The following TMEM132C variants were observed in gnomAD, a reference collection of about 807,000 sequenced individuals.
TMEM132C encodes the protein protein phosphatase 1, regulatory subunit 152.
TMEM132C carries 29 observed loss-of-function variants against 61.4 expected under a neutral mutation model. The ratio of observed to expected loss-of-function variants is 0.47; its 90% CI spans 0.35 to 0.64. The LOEUF (loss-of-function observed/expected upper bound fraction) is 0.64, where lower values mean the gene tolerates loss of function less well. Among genes scored for constraint, TMEM132C ranks in the 30% least tolerant of loss-of-function variants. TMEM132C has a pLI of 0.00. For synonymous variants in TMEM132C, 656 were observed against 633.1 expected, an observed-to-expected ratio of 1.04 and a Z score of -0.54; for missense variants, 1,408 against 1,476.9, an observed-to-expected ratio of 0.95 and a Z score of 0.76.
At chr12:128,285,473 A>G (rs1161664697) in intron 1 of TMEM132C, among the ~76,000 whole-genome samples, 1 of 152,210 alleles carries the variant, frequency 6.6e-6, no homozygotes, top group African/African-American at 2.4e-5. Flanking sequence ...TTGCCAGGGA[A>G]GAACATTAGA....
intron 1 of TMEM132C, among the ~76,000 whole-genome samples, chr12:128,359,387 C>T (rs572218945): frequency 3.9e-5 from 6 of 152,110 alleles, no homozygotes; most frequent in African/African-American, 7.2e-5. Context: ...TTATTCACTA[C>T]CATGAGACCA....
intron 1 of TMEM132C, among the ~76,000 whole-genome samples, chr12:128,373,056 G>A (rs1241353462): frequency 6.6e-6 from 1 of 152,176 alleles, no homozygotes; most frequent in Non-Finnish European, 1.5e-5. Flanking sequence ...ACAAGTAATG[G>A]TGTGTCATGC....
chr12:128,485,084 T>A (rs1871441357), intron 2 of TMEM132C, among the ~76,000 whole-genome samples: 1 of 152,162 alleles, frequency 6.6e-6, no homozygotes, highest in African/African-American at 2.4e-5. Flanking sequence ...AATAAAAATG[T>A]CTTCAAAAAG....
At chr12:128,378,272 G>T (rs1394131299) in intron 1 of TMEM132C, among the ~76,000 whole-genome samples, 2 of 152,006 alleles carry the variant, frequency 1.3e-5, no homozygotes, top group South Asian at 2.1e-4. Flanking sequence ...CTGCCACCAT[G>T]CCCGGCTAAT....
chr12:128,539,562 G>T (rs1165210838), intron 2 of TMEM132C, among the ~76,000 whole-genome samples: 1 of 152,182 alleles, frequency 6.6e-6, no homozygotes, highest in Non-Finnish European at 1.5e-5. Flanking sequence ...AGGTTGCAGT[G>T]AGCCGAGATG....
At chr12:128,613,902 T>C (rs1876715408) in intron 3 of TMEM132C, among the ~76,000 whole-genome samples, 1 of 152,234 alleles carries the variant, frequency 6.6e-6, no homozygotes, top group African/African-American at 2.4e-5. Flanking sequence ...TTTTTAAGCA[T>C]ATTTGGTGTT....
At chr12:128,475,985 C>T (rs1593067117) in intron 2 of TMEM132C, among the ~76,000 whole-genome samples, 1 of 152,176 alleles carries the variant, frequency 6.6e-6, no homozygotes, top group South Asian at 2.1e-4. Context: ...AAATGTCTGC[C>T]CTACCAGTGA....
chr12:128,387,414 G>C (rs1177011769), intron 1 of TMEM132C, among the ~76,000 whole-genome samples: 1 of 152,200 alleles, frequency 6.6e-6, no homozygotes, highest in Non-Finnish European at 1.5e-5. Flanking sequence ...GGAGGGAACC[G>C]CACACCCAGT....
Position 128,267,194 on chromosome 12 carries a change from G to A in TMEM132C, c.-209G>A, listed in dbSNP as rs1300257685. Among the ~76,000 whole-genome samples the A allele has an allele frequency of 6.8e-6, 1 of 147,020 alleles. No homozygotes were observed. Among genetic ancestry groups the A allele is most frequent in the Non-Finnish European group, 1.5e-5 (1 of 66,046 alleles). On this transcript the variant is annotated 5_prime_UTR_variant, in exon 1 of 9. Coordinates refer to ENST00000435159, the MANE Select transcript of TMEM132C (RefSeq NM_001136103.3). ...AGAAAAGTTGTCCCGGCCGGAGCGCGAGCAGCGGCGGAGCCGGAGCCGCCA... is the reference window on the plus strand; with the variant it reads ...AGAAAAGTTGTCCCGGCCGGAGCGCAAGCAGCGGCGGAGCCGGAGCCGCCA...
chr12:128,527,707 A>ATGTGTGTG (rs5801799), intron 2 of TMEM132C, among the ~76,000 whole-genome samples: 4,543 of 147,156 alleles, frequency 0.031, 212 homozygotes, highest in African/African-American at 0.11. Flanking sequence ...ATGTGCATGT[A>ATGTGTGTG]TGTGTGTGTG....
At position 128,706,095 on chromosome 12, in the gene TMEM132C, C is replaced by T. The variant is rs555589534; in HGVS notation, c.3127C>T (p.Pro1043Ser). The T allele has an allele frequency of 1.2e-5, 18 of 1,551,550 alleles. No homozygotes were observed. In the African/African-American group the frequency reaches 2.3e-4, roughly 20 times the overall value. ...GRQGREQKQD[P>S]LHSPTSKRKK... ...GCAGGGCAGAGAACAGAAGCAGGAC[C>T]CCCTGCACTCGCCCACCTCCAAGAG... Residue 1043 changes from proline (P) to serine (S), a missense_variant, in exon 9 of 9, where the codon CCC becomes TCC. Pro to Ser is a moderately conservative substitution (Grantham distance 74). Transcript: ENST00000435159.
At chr12:128,298,297 G>A (rs533251077) in intron 1 of TMEM132C, among the ~76,000 whole-genome samples, 2 of 152,318 alleles carry the variant, frequency 1.3e-5, no homozygotes, top group South Asian at 2.1e-4. Flanking sequence ...CTCCTCCCCC[G>A]GGCCATGTGC....
chr12:128,676,655 A>G (rs1412661986), intron 5 of TMEM132C, among the ~76,000 whole-genome samples: 1 of 152,208 alleles, frequency 6.6e-6, no homozygotes, highest in Non-Finnish European at 1.5e-5. Context: ...CTTATTGGCA[A>G]ATCTACATAC....
chr12:128,430,287 T>C (rs984828181), intron 2 of TMEM132C, among the ~76,000 whole-genome samples: 1 of 152,156 alleles, frequency 6.6e-6, no homozygotes, highest in Admixed American at 6.5e-5. Flanking sequence ...TGGCATTGGA[T>C]ACCATAGCAC....
chr12:128,425,504 T>C (rs1405397561), intron 2 of TMEM132C, among the ~76,000 whole-genome samples: 1 of 152,224 alleles, frequency 6.6e-6, no homozygotes, highest in Non-Finnish European at 1.5e-5. Flanking sequence ...TGACTGTGTC[T>C]CTCGGTTTAA....
Position 128,415,723 on chromosome 12 carries a change from C to T in TMEM132C, c.974+103C>T. 1.5e-6 allele frequency: 2 copies of T among 1,329,984 alleles called. No individual in the cohort carries two copies. Among genetic ancestry groups the T allele is most frequent in the Non-Finnish European group, 2.0e-6 (2 of 996,148 alleles). The allele number at this position is 1,329,984 out of a possible 1,614,324, so 82.4% of individuals were successfully genotyped here. A position where few individuals can be genotyped will look rare whatever the true frequency, so the allele number is the denominator to read the frequency against. On this transcript the variant is annotated intron_variant, in intron 2 of 8. Coordinates refer to ENST00000435159, the MANE Select transcript of TMEM132C (RefSeq NM_001136103.3). This position sits in a 1 kb window ranked among gnomAD's most constrained non-coding sequence, Gnocchi z 5.8. ...TTCAGGAAGCATCGATTTTCACTAC[C>T]TTCAGGGACCGTTTGGCATTAACAG...
chr12:128,451,064 T>C (rs1253610536), intron 2 of TMEM132C, among the ~76,000 whole-genome samples: 2 of 152,222 alleles, frequency 1.3e-5, no homozygotes, highest in African/African-American at 2.4e-5. Context: ...AGTTTCTTGT[T>C]TGTGGCTCTC....
chr12:128,602,758 A>G (rs1876242030), intron 3 of TMEM132C, among the ~76,000 whole-genome samples: 1 of 152,090 alleles, frequency 6.6e-6, no homozygotes. Flanking sequence ...TGCTTTCCAT[A>G]CCATTCAGGG....
intron 3 of TMEM132C, among the ~76,000 whole-genome samples, chr12:128,569,575 CA>C (rs1455330512): frequency 6.6e-6 from 1 of 152,134 alleles, no homozygotes; most frequent in Non-Finnish European, 1.5e-5. Context: ...AAAGAAAGCA[CA>C]ATTTACATTT....
Sources: gnomAD v4.1 joint callset for allele counts (sites outside exome capture counted in the v4.1 genomes callset) on GRCh38, gnomAD v4.1.1 for gene constraint, Gnocchi (gnomAD v3.1) non-coding constraint, MANE v1.5 for transcripts, NCBI Gene and HGNC (gene_info 2026-07-23, HGNC 2026-07-21) for gene names.